CSGALNACT1: variants seen among roughly 807,000 people sequenced by gnomAD.
The protein encoded by CSGALNACT1 is beta4GalNAcT-1.
Under a neutral mutation model 51.0 loss-of-function variants are expected in CSGALNACT1, and 52 were observed. The ratio of observed to expected loss-of-function variants is 1.02; its 90% confidence interval spans 0.82 to 1.29. The LOEUF (loss-of-function observed/expected upper bound fraction) is 1.29, where lower values mean the gene tolerates loss of function less well. CSGALNACT1 is among the 50% of genes most tolerant of loss of function. The pLI, the probability that CSGALNACT1 is intolerant of heterozygous loss-of-function variation, is 0.00. For missense variants in CSGALNACT1, 935 were observed against 679.2 expected (o/e 1.38, Z -4.19); for synonymous variants, 341 against 254.4 (o/e 1.34, Z -3.24).
At chr8:19,471,129 GGA>G (rs759860876) in intron 4 of CSGALNACT1, among the ~76,000 whole-genome samples, 1 of 151,534 alleles carries the variant, frequency 6.6e-6, no homozygotes, top group Non-Finnish European at 1.5e-5. Flanking sequence ...GAGAGAGAGG[GGA>G]GAGAGAGAGA....
In CSGALNACT1 at chr8:19,664,667, A is replaced by G. The variant is rs140793471; in HGVS notation, c.-544+17806T>C. Among the ~76,000 whole-genome samples the G allele has an allele frequency of 5.3e-3, 760 of 144,678 alleles. 8 individuals are homozygous for G. Among genetic ancestry groups the G allele is most frequent in the African/African-American group, 0.018 (738 of 40,214 alleles). The allele number at this position is 144,678 out of a possible 152,430, so 94.9% of individuals were successfully genotyped here. A position where few individuals can be genotyped will look rare whatever the true frequency, so the allele number is the denominator to read the frequency against. Reference sequence around the variant, plus strand: ...CACAAACACACACACACACACACATACACACATACACACATATACACAATG... The same window carrying G: ...CACAAACACACACACACACACACATGCACACATACACACATATACACAATG... On this transcript the variant is annotated intron_variant, in intron 1 of 9. Coordinates refer to the CSGALNACT1 transcript ENST00000332246.
At chr8:19,573,430 G>C (rs1037467068) in intron 3 of CSGALNACT1, among the ~76,000 whole-genome samples, 2 of 151,954 alleles carry the variant, frequency 1.3e-5, no homozygotes, top group African/African-American at 4.8e-5. Context: ...AGTCACTTAA[G>C]TCATGAAATA....
In CSGALNACT1 at chr8:19,559,538, G is replaced by A. The variant is rs554672992; in HGVS notation, c.-297+31622C>T. Among the ~76,000 whole-genome samples the A allele has an allele frequency of 2.3e-3, 346 of 152,248 alleles. 3 individuals carry two copies. The highest frequency in any genetic ancestry group is 8.1e-3 in the African/African-American group (335 of 41,564). ...GATTGGAAAGGAAGAAACAACTGTCGTTATTCAGAAATGATATGATATCCA... is the reference window on the plus strand; with the variant it reads ...GATTGGAAAGGAAGAAACAACTGTCATTATTCAGAAATGATATGATATCCA... On this transcript the variant is annotated intron_variant, in intron 3 of 9. Coordinates refer to ENST00000454498, the Ensembl canonical transcript of CSGALNACT1.
chr8:19,468,750 C>T (rs577817448), intron 4 of CSGALNACT1, among the ~76,000 whole-genome samples: 23 of 152,166 alleles, frequency 1.5e-4, no homozygotes, highest in Non-Finnish European at 1.0e-4. Context: ...AAGCTTTGGA[C>T]GGGCTGATTT....
At chr8:19,427,631 C>T (rs1378578283) in intron 6 of CSGALNACT1, among the ~76,000 whole-genome samples, 1 of 151,824 alleles carries the variant, frequency 6.6e-6, no homozygotes, top group African/African-American at 2.4e-5. Context: ...TACTAAAAAT[C>T]CAAAAAATTA....
At chr8:19,420,805 T>C (rs114747692) in intron 6 of CSGALNACT1, among the ~76,000 whole-genome samples, 15 of 152,314 alleles carry the variant, frequency 9.8e-5, no homozygotes, top group African/African-American at 3.6e-4. Context: ...CTATTCTTTG[T>C]GATGGAGAAA....
At chr8:19,483,430 G>A (rs1226178705) in intron 4 of CSGALNACT1, among the ~76,000 whole-genome samples, 1 of 152,108 alleles carries the variant, frequency 6.6e-6, no homozygotes, top group African/African-American at 2.4e-5. Context: ...ATGGATTTTA[G>A]CCTTATGAAT....
chr8:19,464,544 C>T (rs1166726686), intron 4 of CSGALNACT1, among the ~76,000 whole-genome samples: 1 of 151,970 alleles, frequency 6.6e-6, no homozygotes, highest in Non-Finnish European at 1.5e-5. Context: ...CCAGGGGTCC[C>T]CAAGCCACGG....
intron 1 of CSGALNACT1, among the ~76,000 whole-genome samples, chr8:19,623,844 G>A (rs753017696): frequency 3.9e-5 from 6 of 152,206 alleles, no homozygotes; most frequent in Non-Finnish European, 7.3e-5. Flanking sequence ...GGAAATAATG[G>A]TCCCTCTTAA....
At position 19,404,308 on chromosome 8, in the gene CSGALNACT1, A is replaced by T. The variant is rs752824226; in HGVS notation, c.*1472T>A. ...CAGCTTGAATGTTCTTGAAGCTTTTAAACAATGAGTTTACTGTGAGCAAAC... is the reference window on the plus strand; with the variant it reads ...CAGCTTGAATGTTCTTGAAGCTTTTTAACAATGAGTTTACTGTGAGCAAAC... On this transcript the variant is annotated 3_prime_UTR_variant, in exon 10 of 10. Coordinates refer to ENST00000454498, the Ensembl canonical transcript of CSGALNACT1. 14 of 453,366 alleles carry T rather than the reference A, an allele frequency of 3.1e-5. No homozygotes were observed. In the East Asian group the frequency reaches 4.2e-4, roughly 14 times the overall value. The allele number at this position is 453,366 out of a possible 1,614,324, so 28.1% of individuals were successfully genotyped here. A position where few individuals can be genotyped will look rare whatever the true frequency, so the allele number is the denominator to read the frequency against.
chr8:19,438,954 G>A (rs1403399070), intron 6 of CSGALNACT1, among the ~76,000 whole-genome samples: 1 of 152,180 alleles, frequency 6.6e-6, no homozygotes, highest in Non-Finnish European at 1.5e-5. Context: ...AGAGGACACT[G>A]TTTATATCTA....
At chr8:19,603,681 A>G (rs1432636150), upstream of CSGALNACT1, among the ~76,000 whole-genome samples, 1 of 152,200 alleles carries the variant, frequency 6.6e-6, no homozygotes, top group Non-Finnish European at 1.5e-5. Flanking sequence ...CCAACCACTT[A>G]AATTTTCTTT....
intron 1 of CSGALNACT1, among the ~76,000 whole-genome samples, chr8:19,625,406 T>C (rs2054319049): frequency 6.6e-6 from 1 of 152,200 alleles, no homozygotes; most frequent in Non-Finnish European, 1.5e-5. Context: ...AACTGAAGCA[T>C]AGAGCTATTA....
intron 4 of CSGALNACT1, among the ~76,000 whole-genome samples, chr8:19,487,539 A>G (rs2073259715): frequency 6.6e-6 from 1 of 152,200 alleles, no homozygotes; most frequent in Admixed American, 6.5e-5. Context: ...ATGGACAGAA[A>G]GTCAATAAGA....
At chr8:19,430,079 G>A (rs543040559) in intron 6 of CSGALNACT1, among the ~76,000 whole-genome samples, 58 of 152,234 alleles carry the variant, frequency 3.8e-4, no homozygotes, top group African/African-American at 1.4e-3. Flanking sequence ...TCTTTTTACT[G>A]TTAAATTCTC....
At chr8:19,634,189 T>C (rs2055696816) in intron 1 of CSGALNACT1, among the ~76,000 whole-genome samples, 1 of 152,226 alleles carries the variant, frequency 6.6e-6, no homozygotes, top group African/African-American at 2.4e-5. Context: ...TTCATACACA[T>C]AAAACGTCTG....
intron 3 of CSGALNACT1, among the ~76,000 whole-genome samples, chr8:19,559,715 T>C (rs1367748353): frequency 1.3e-5 from 2 of 152,106 alleles, no homozygotes. Context: ...TATCAAAAAG[T>C]GCCTAGCAAT....
At chr8:19,674,650 C>A (rs2060039289) in intron 1 of CSGALNACT1, among the ~76,000 whole-genome samples, 1 of 151,954 alleles carries the variant, frequency 6.6e-6, no homozygotes, top group Non-Finnish European at 1.5e-5. Flanking sequence ...TGGTGGAGGG[C>A]AGTGGTGTGA....
At chr8:19,690,729 C>T (rs117907065) in intron 1 of CSGALNACT1, among the ~76,000 whole-genome samples, 1 of 152,274 alleles carries the variant, frequency 6.6e-6, no homozygotes, top group Non-Finnish European at 1.5e-5. Flanking sequence ...TGAAACTCCG[C>T]ATGGAAGGAG....
Sources: allele counts gnomAD v4.1 joint callset (sites outside exome capture counted in the v4.1 genomes callset), GRCh38; gene constraint gnomAD v4.1.1; transcripts MANE v1.5; gene names NCBI Gene and HGNC (gene_info 2026-07-23, HGNC 2026-07-21).